EPHX1: variants seen among roughly 807,000 people sequenced by gnomAD.
The protein encoded by EPHX1 is epoxide hydratase.
In EPHX1, 40 loss-of-function variants were observed where a neutral mutation model predicts 43.2. That is an observed-to-expected ratio of 0.93 (90% CI 0.72 to 1.21). The LOEUF is 1.21. Ranked by LOEUF, EPHX1 falls within the 50% of genes most tolerant of loss-of-function variation. EPHX1 has a pLI of 0.00. For synonymous variants in EPHX1, 221 were observed against 226.7 expected, an observed-to-expected ratio of 0.98 and a Z score of 0.22; for missense variants, 550 against 570.4, an observed-to-expected ratio of 0.96 and a Z score of 0.36.
At chr1:225,820,053 ACT>A (rs1315789116) in intron 1 of EPHX1, among the ~76,000 whole-genome samples, 1 of 151,936 alleles carries the variant, frequency 6.6e-6, no homozygotes, top group African/African-American at 2.4e-5. Flanking sequence ...ACCTTTCTTC[ACT>A]CAACCACAAA....
chr1:225,843,171 A>C (rs1212297886), intron 7 of EPHX1, among the ~76,000 whole-genome samples: 1 of 151,986 alleles, frequency 6.6e-6, no homozygotes, highest in Admixed American at 6.6e-5. Context: ...TAGATGTTGA[A>C]TGAATGCGCA....
At chr1:225,827,910 C>T (rs998308427) in intron 1 of EPHX1, among the ~76,000 whole-genome samples, 2 of 41,082 alleles carry the variant, frequency 4.9e-5, no homozygotes, top group Non-Finnish European at 8.9e-5. Flanking sequence ...TGGGCCTCCC[C>T]ATTACCCCGT....
At chr1:225,810,855 G>T (rs543353590) in intron 1 of EPHX1, among the ~76,000 whole-genome samples, 1 of 152,214 alleles carries the variant, frequency 6.6e-6, no homozygotes, top group African/African-American at 2.4e-5. Context: ...ATCAGTTAAG[G>T]CAGGAACAGG....
rs532655629 is a variant in EPHX1 at position 225,826,333 on chromosome 1, A to G, written c.-5-2392A>G. On this transcript the variant is annotated intron_variant, in intron 1 of 8. Transcript: ENST00000272167. ...ACAAAAATTAGCAGGAGGTGGTGGT[A>G]TGCACCTGTAATCACAGCTACTCAG... Among the ~76,000 whole-genome samples, 4 of 150,194 alleles carry G rather than the reference A, an allele frequency of 2.7e-5. No individual in the cohort carries two copies. The Admixed American group carries it at 2.7e-4, about 10-fold the overall frequency.
In EPHX1 at chr1:225,812,156, G is replaced by A. The variant is rs141671863; in HGVS notation, c.-6+1987G>A. Reference sequence around the variant, plus strand: ...TTTGTGTTTGCAGAGTGTGGGTCAAGCTGATGAGTGACCTACTGGATAAAC... The same window carrying A: ...TTTGTGTTTGCAGAGTGTGGGTCAAACTGATGAGTGACCTACTGGATAAAC... On this transcript the variant is annotated intron_variant, in intron 1 of 8. Coordinates refer to ENST00000272167, the MANE Select transcript of EPHX1 (RefSeq NM_001136018.4). Among the ~76,000 whole-genome samples, 175 of 152,284 alleles carry A rather than the reference G, an allele frequency of 1.1e-3. 1 individual carries two copies. Among genetic ancestry groups the A allele is most frequent in the African/African-American group, 4.0e-3 (167 of 41,556 alleles).
intron 1 of EPHX1, among the ~76,000 whole-genome samples, chr1:225,825,159 T>C (rs1410573311): frequency 2.0e-5 from 3 of 152,212 alleles, no homozygotes; most frequent in Non-Finnish European, 4.4e-5. Flanking sequence ...GATTCCCTTC[T>C]TTTAGATGGG....
At chr1:225,812,123 G>T (rs1285648561) in intron 1 of EPHX1, among the ~76,000 whole-genome samples, 1 of 152,102 alleles carries the variant, frequency 6.6e-6, no homozygotes, top group Non-Finnish European at 1.5e-5. Context: ...AGCTTGAATG[G>T]CCTGATGTTT....
chr1:225,825,752 C>T (rs1667200616), intron 1 of EPHX1, among the ~76,000 whole-genome samples: 1 of 152,324 alleles, frequency 6.6e-6, no homozygotes, highest in African/African-American at 2.4e-5. Context: ...ACGGGCACAG[C>T]CCTGCCTTCC....
At chr1:225,841,247 G>A (rs984280960) in intron 6 of EPHX1, 1 of 152,156 alleles carries the variant, frequency 6.6e-6, no homozygotes, top group East Asian at 1.9e-4. Flanking sequence ...TCAATATTAT[G>A]TTTGTGAGAT....
At chr1:225,830,884 A>G (rs967490660) in intron 2 of EPHX1, among the ~76,000 whole-genome samples, 1 of 152,218 alleles carries the variant, frequency 6.6e-6, no homozygotes, top group Non-Finnish European at 1.5e-5. Context: ...CACAGCGCCC[A>G]TGCCAAGAAT....
chr1:225,843,071 C>T (rs546701942), intron 7 of EPHX1, among the ~76,000 whole-genome samples: 2 of 152,308 alleles, frequency 1.3e-5, no homozygotes, highest in African/African-American at 4.8e-5. Flanking sequence ...GAGACTGAAT[C>T]CTGCCTTGGG....
intron 3 of EPHX1, 65 bp from the exon 4 acceptor site, chr1:225,838,589 T>A: frequency 7.1e-7 from 1 of 1,407,164 alleles, no homozygotes; most frequent in African/African-American, 1.4e-5. Context: ...CTCTGGGGGG[T>A]GCCAGAGCCT....
At chr1:225,820,891 AC>A (rs1218133156) in intron 1 of EPHX1, among the ~76,000 whole-genome samples, 1 of 152,022 alleles carries the variant, frequency 6.6e-6, no homozygotes, top group Non-Finnish European at 1.5e-5. Context: ...GTGAGCTCCT[AC>A]AGTTACAGGG....
At chr1:225,836,967 A>T (rs1668001819) in intron 3 of EPHX1, among the ~76,000 whole-genome samples, 1 of 152,244 alleles carries the variant, frequency 6.6e-6, no homozygotes, top group Non-Finnish European at 1.5e-5. Context: ...ACACTAAGGA[A>T]ATCAATGGAC....
In EPHX1 at chr1:225,828,894, G is replaced by A. The variant is rs182154631; in HGVS notation, c.165G>A (p.Thr55=). The A allele has an allele frequency of 1.4e-5, 22 of 1,583,160 alleles. No individual in the cohort carries two copies. Among genetic ancestry groups the A allele is most frequent in the East Asian group, 4.6e-5 (2 of 43,900 alleles). Residue 55 remains threonine, a synonymous_variant, in exon 2 of 9, where the codon ACG becomes ACA. Transcript: ENST00000272167. ...DDSIRPFKVE[T]SDEEIHDLHQ... is the part of the protein sequence containing the mutation. ...GCATCCGCCCTTTCAAGGTGGAAAC[G>A]TCAGATGAGGAGATCCACGTAAGGC...
chr1:225,831,692 G>T (rs1427283936), intron 2 of EPHX1, 87 bp from the exon 3 acceptor site: 4 of 1,375,756 alleles, frequency 2.9e-6, no homozygotes, highest in Non-Finnish European at 4.1e-6. Context: ...TGGCTGCAGG[G>T]TTTGCTGTGT....
At chr1:225,834,702 A>G (rs1667860972) in intron 3 of EPHX1, among the ~76,000 whole-genome samples, 1 of 152,028 alleles carries the variant, frequency 6.6e-6, no homozygotes, top group African/African-American at 2.4e-5. Flanking sequence ...GAGCCTAACA[A>G]GAGGATCCAA....
intron 1 of EPHX1, among the ~76,000 whole-genome samples, chr1:225,811,516 C>A (rs1666484698): frequency 6.6e-6 from 1 of 152,166 alleles, no homozygotes; most frequent in Non-Finnish European, 1.5e-5. Context: ...GATTGATGAG[C>A]TGTTGGTGGA....
chr1:225,834,119 A>G (rs1025271539), intron 3 of EPHX1, among the ~76,000 whole-genome samples: 18 of 146,086 alleles, frequency 1.2e-4, no homozygotes, highest in African/African-American at 4.1e-4. Context: ...AAAGAAAAAA[A>G]AAAAAAGCCG....
Sources: gnomAD v4.1 joint callset for allele counts (sites outside exome capture counted in the v4.1 genomes callset) on GRCh38, gnomAD v4.1.1 for gene constraint, MANE v1.5 for transcripts, NCBI Gene and HGNC (gene_info 2026-07-23, HGNC 2026-07-21) for gene names.